The following IGBP1 variants were observed in gnomAD, a reference collection of about 807,000 sequenced individuals.
IGBP1 encodes immunoglobulin binding protein 1, also known as immunoglobulin-binding protein 1.
In IGBP1, 2 loss-of-function variants were observed where a neutral mutation model predicts 25.9. That is an observed-to-expected ratio of 0.08 (90% CI 0.03 to 0.24). IGBP1 has a LOEUF of 0.24. Among genes scored for constraint, IGBP1 ranks in the 10% least tolerant of loss-of-function variants. The pLI, the probability that IGBP1 is intolerant of heterozygous loss-of-function variation, is 1.00. For missense variants in IGBP1, 187 were observed against 260.4 expected (o/e 0.72, Z 1.94); for synonymous variants, 96 against 93.4 (o/e 1.03, Z -0.16).
At chrX:70,159,587 A>G (rs1402084131) in intron 6 of IGBP1, among the ~76,000 whole-genome samples, 1 of 110,742 alleles carries the variant, frequency 9.0e-6, no homozygotes, top group African/African-American at 3.3e-5. Context: ...GCACAGGTGG[A>G]TGCTGCTCTC....
chrX:70,142,707 T>C (rs776108972), intron 3 of IGBP1, among the ~76,000 whole-genome samples: 1 of 108,903 alleles, frequency 9.2e-6, no homozygotes, highest in African/African-American at 3.3e-5. Context: ...TAGTCTTAGC[T>C]ACTCGGGAGG....
intron 2 of IGBP1, 117 bp from the exon 3 acceptor site, chrX:70,134,406 C>A: frequency 1.3e-6 from 1 of 781,969 alleles, no homozygotes; most frequent in Non-Finnish European, 1.9e-6. Context: ...CCGCTGTTCC[C>A]CGTGCCTCCT....
At chrX:70,158,792 C>T (rs193054820) in intron 6 of IGBP1, among the ~76,000 whole-genome samples, 650 of 111,609 alleles carry the variant, frequency 5.8e-3, no homozygotes, top group Non-Finnish European at 9.4e-3. Flanking sequence ...TGCAGTGAGT[C>T]GAGATCGTGC....
In IGBP1 at chrX:70,134,151, G is replaced by C. The variant is rs1232539530; in HGVS notation, c.188+16G>C. ...ACTTGTTCAGGTATGGGGGAAGATA[G>C]TAATAATGGCTGAGAACGAAGGTAA... On this transcript the variant is annotated intron_variant, in intron 2 of 6. Transcript: ENST00000356413. 1.7e-6 allele frequency: 2 copies of C among 1,193,497 alleles called. No individual in the cohort carries two copies. Among genetic ancestry groups the C allele is most frequent in the East Asian group, 3.0e-5 (1 of 33,763 alleles).
In IGBP1 at chrX:70,133,794, C is replaced by A; in HGVS notation, c.-154C>A. On this transcript the variant is annotated 5_prime_UTR_variant, in exon 2 of 7. Transcript: ENST00000356413. ...AACGGTTGCCAGGGCCGGCTAACAGCGGCTCCCGGAAGTCCTTTGATGCTT... is the reference window on the plus strand; with the variant it reads ...AACGGTTGCCAGGGCCGGCTAACAGAGGCTCCCGGAAGTCCTTTGATGCTT... The A allele has an allele frequency of 4.1e-6, 2 of 487,735 alleles. No homozygotes were observed. Among genetic ancestry groups the A allele is most frequent in the Non-Finnish European group, 7.0e-6 (2 of 287,415 alleles). 40.2% of individuals were successfully genotyped at this position (487,735 alleles called of 1,213,427 possible).
At chrX:70,144,161 C>T (rs2147574374) in intron 3 of IGBP1, among the ~76,000 whole-genome samples, 1 of 112,234 alleles carries the variant, frequency 8.9e-6, no homozygotes, top group Non-Finnish European at 1.9e-5. Flanking sequence ...GCACTCCAGC[C>T]TGGGTGACAG....
intron 3 of IGBP1, among the ~76,000 whole-genome samples, chrX:70,137,786 A>T (rs1263533960): frequency 9.4e-6 from 1 of 105,823 alleles, no homozygotes; most frequent in Non-Finnish European, 1.9e-5. Flanking sequence ...CAAGAGAAAG[A>T]TGAGGGAGTG....
At chrX:70,148,353 T>C (rs1033209917) in intron 4 of IGBP1, among the ~76,000 whole-genome samples, 2 of 111,996 alleles carry the variant, frequency 1.8e-5, no homozygotes, top group African/African-American at 6.5e-5. Flanking sequence ...ATAAGTACAT[T>C]GGAAGAGGTT....
chrX:70,165,705 G>C, intron 6 of IGBP1, 128 bp from the exon 7 acceptor site: 1 of 595,149 alleles, frequency 1.7e-6, no homozygotes. Context: ...CCGGGCTCAG[G>C]GTAGGCAGCT....
At chrX:70,135,284 T>TTTG (rs1019941683) in intron 3 of IGBP1, among the ~76,000 whole-genome samples, 2 of 112,048 alleles carry the variant, frequency 1.8e-5, no homozygotes, top group African/African-American at 3.2e-5. Context: ...TTAGGTTTTT[T>TTTG]TTGTTGTTGT....
chrX:70,133,769 A>G lies in IGBP1; in HGVS notation c.-179A>G. ...CTGCCTGGTAAAATGAGTCTATGGA[A>G]ACGGTTGCCAGGGCCGGCTAACAGC... On this transcript the variant is annotated 5_prime_UTR_variant, in exon 2 of 7. Transcript: ENST00000356413. 1 of 458,065 alleles carries G rather than the reference A, an allele frequency of 2.2e-6. No homozygotes were observed. Among genetic ancestry groups the G allele is most frequent in the Admixed American group, 3.7e-5 (1 of 26,829 alleles). The allele number at this position is 458,065 out of a possible 1,213,427, so 37.7% of individuals were successfully genotyped here.
In IGBP1 at chrX:70,133,778, C is replaced by T. The variant is rs2085077090; in HGVS notation, c.-170C>T. Reference sequence around the variant, plus strand: ...AAAATGAGTCTATGGAAACGGTTGCCAGGGCCGGCTAACAGCGGCTCCCGG... The same window carrying T: ...AAAATGAGTCTATGGAAACGGTTGCTAGGGCCGGCTAACAGCGGCTCCCGG... On this transcript the variant is annotated 5_prime_UTR_variant, in exon 2 of 7. Coordinates refer to ENST00000356413, the MANE Select transcript of IGBP1 (RefSeq NM_001551.3). 2.1e-6 allele frequency: 1 copy of T among 465,460 alleles called. No homozygotes were observed. The highest frequency in any genetic ancestry group is 3.7e-6 in the Non-Finnish European group (1 of 269,075). The allele number at this position is 465,460 out of a possible 1,213,427, so 38.4% of individuals were successfully genotyped here.
intron 3 of IGBP1, among the ~76,000 whole-genome samples, chrX:70,135,884 C>T (rs903083081): frequency 3.6e-5 from 4 of 111,837 alleles, no homozygotes; most frequent in African/African-American, 1.3e-4. Context: ...CCCAGCTCGA[C>T]GACTGTGATT....
intron 6 of IGBP1, among the ~76,000 whole-genome samples, chrX:70,154,804 G>GGAGGATT (rs1158285094): frequency 7.4e-5 from 8 of 108,525 alleles, no homozygotes; most frequent in Non-Finnish European, 1.5e-4. Flanking sequence ...GGCTGAGGTG[G>GGAGGATT]GAGGATTGCT....
chrX:70,155,652 A>C (rs2085235701), intron 6 of IGBP1, among the ~76,000 whole-genome samples: 1 of 111,218 alleles, frequency 9.0e-6, no homozygotes, highest in African/African-American at 3.3e-5. Flanking sequence ...TGGGATGCTC[A>C]ACCAGATATG....
chrX:70,136,293 CAG>C (rs1399195563), intron 3 of IGBP1, among the ~76,000 whole-genome samples: 1 of 111,587 alleles, frequency 9.0e-6, no homozygotes, highest in Non-Finnish European at 1.9e-5. Context: ...AATACACAGT[CAG>C]GGGAACATCA....
At chrX:70,142,308 G>A (rs1202145322) in intron 3 of IGBP1, among the ~76,000 whole-genome samples, 1 of 111,360 alleles carries the variant, frequency 9.0e-6, no homozygotes, top group Non-Finnish European at 1.9e-5. Flanking sequence ...TCAAGCCTGG[G>A]TGACAGAGTA....
chrX:70,156,678 G>A (rs1158749344), intron 6 of IGBP1, among the ~76,000 whole-genome samples: 1 of 112,286 alleles, frequency 8.9e-6, no homozygotes, highest in Non-Finnish European at 1.9e-5. Context: ...GGTGGCTCAC[G>A]CCTGTAATCC....
At chrX:70,156,677 C>T (rs2085242802) in intron 6 of IGBP1, among the ~76,000 whole-genome samples, 1 of 112,259 alleles carries the variant, frequency 8.9e-6, no homozygotes. Context: ...CGGTGGCTCA[C>T]GCCTGTAATC....
Sources: gnomAD v4.1 joint callset for allele counts (sites outside exome capture counted in the v4.1 genomes callset) on GRCh38, gnomAD v4.1.1 for gene constraint, MANE v1.5 for transcripts, NCBI Gene and HGNC (gene_info 2026-07-23, HGNC 2026-07-21) for gene names.